The following TDRD3 variants were observed in gnomAD, a reference collection of about 807,000 sequenced individuals.
TDRD3 encodes tudor domain containing 3, also known as tudor domain-containing protein 3.
Under a neutral mutation model 86.7 loss-of-function variants are expected in TDRD3, and 45 were observed. The observed-to-expected ratio is 0.52, with a 90% CI of 0.41 to 0.67. TDRD3 has a LOEUF of 0.67. Among genes scored for constraint, TDRD3 ranks in the 30% least tolerant of loss-of-function variants. The pLI is 0.00. For missense variants in TDRD3, 814 were observed against 889.0 expected, an observed-to-expected ratio of 0.92 and a Z score of 1.07; for synonymous variants, 298 against 301.7, an observed-to-expected ratio of 0.99 and a Z score of 0.13.
intron 1 of TDRD3, among the ~76,000 whole-genome samples, chr13:60,405,716 C>T (rs778257513): frequency 1.2e-4 from 18 of 151,894 alleles, no homozygotes; most frequent in Non-Finnish European, 2.5e-4. Flanking sequence ...ACCTTGTTGG[C>T]CATGTTAGGA....
In TDRD3 at chr13:60,528,426, CA is replaced by C; in HGVS notation, c.1205del (p.Asn402MetfsTer3). On this transcript the variant is annotated frameshift_variant, in exon 11 of 14. Coordinates refer to ENST00000377881, the MANE Select transcript of TDRD3 (RefSeq NM_001146070.2). LOFTEE classifies it high-confidence loss of function. ...QGQYRSSNTE[Q>X]NGVKDNNHLR... is the part of the protein sequence containing the mutation. The stretch of plus-strand genomic sequence containing the variant: ...ACAATACAGATCATCAAATACTGAG[CA>C]AAATGGAGTAAAAGATAATAATCAT... The C allele has an allele frequency of 6.2e-7, 1 of 1,612,120 alleles. No individual in the cohort carries two copies. The highest frequency in any genetic ancestry group is 8.5e-7 in the Non-Finnish European group (1 of 1,179,196).
At chr13:60,407,738 T>C (rs1398799721) in intron 1 of TDRD3, among the ~76,000 whole-genome samples, 1 of 152,214 alleles carries the variant, frequency 6.6e-6, no homozygotes, top group Non-Finnish European at 1.5e-5. Context: ...TTCTTTCACA[T>C]TTGATGTTTT....
At chr13:60,406,481 TACAAG>T (rs1954237206) in intron 1 of TDRD3, among the ~76,000 whole-genome samples, 1 of 152,238 alleles carries the variant, frequency 6.6e-6, no homozygotes, top group Non-Finnish European at 1.5e-5. Flanking sequence ...AAAATATGGC[TACAAG>T]ACAATTTAAA....
intron 1 of TDRD3, among the ~76,000 whole-genome samples, chr13:60,424,138 T>C (rs559020204): frequency 4.5e-4 from 68 of 151,792 alleles, no homozygotes; most frequent in African/African-American, 1.5e-3. Context: ...TCTCCTGTCT[T>C]AGCCTCCCGA....
At chr13:60,477,753 G>A (rs764154425) in intron 5 of TDRD3, among the ~76,000 whole-genome samples, 1 of 152,152 alleles carries the variant, frequency 6.6e-6, no homozygotes, top group African/African-American at 2.4e-5. Flanking sequence ...ACTTTTTGAT[G>A]TGCTGCTGGA....
At position 60,538,267 on chromosome 13, in the gene TDRD3, A is replaced by C. The variant is rs17058206; in HGVS notation, c.2118+3034A>C. Among the ~76,000 whole-genome samples, 598 of 152,068 alleles carry C rather than the reference A, an allele frequency of 3.9e-3. 18 individuals carry two copies. The East Asian group carries it at 0.095, about 24-fold the overall frequency. ...TTAATGTTGTGGTCTTTGAGTACACATTTATATGGCCAAAATTGTGTTTCG... is the reference window on the plus strand; with the variant it reads ...TTAATGTTGTGGTCTTTGAGTACACCTTTATATGGCCAAAATTGTGTTTCG... On this transcript the variant is annotated intron_variant, in intron 12 of 13. Transcript: ENST00000377881.
intron 10 of TDRD3, among the ~76,000 whole-genome samples, chr13:60,511,348 T>C (rs778116689): frequency 1.3e-5 from 2 of 152,232 alleles, no homozygotes; most frequent in African/African-American, 2.4e-5. Flanking sequence ...AGATATATTT[T>C]GAATCTAGCC....
intron 10 of TDRD3, among the ~76,000 whole-genome samples, chr13:60,518,275 C>A (rs1294264372): frequency 6.6e-6 from 1 of 152,186 alleles, no homozygotes; most frequent in Non-Finnish European, 1.5e-5. Flanking sequence ...GTATGTGAAT[C>A]TTTAGGTGAT....
At chr13:60,506,420 T>C (rs200129552) in intron 8 of TDRD3, among the ~76,000 whole-genome samples, 1 of 152,186 alleles carries the variant, frequency 6.6e-6, no homozygotes, top group East Asian at 1.9e-4. Context: ...CAACCGGTAC[T>C]AACCACTGCA....
intron 5 of TDRD3, among the ~76,000 whole-genome samples, chr13:60,468,974 C>T (rs1264379830): frequency 1.3e-5 from 2 of 152,158 alleles, no homozygotes; most frequent in African/African-American, 4.8e-5. Flanking sequence ...TTGTGATACA[C>T]TACTCTCTCC....
rs879553244 is a variant in TDRD3 at position 60,400,924 on chromosome 13, C to A, written c.41+3519C>A. On this transcript the variant is annotated intron_variant, in intron 1 of 13. Transcript: ENST00000377881. ...AGTACTCATTTCCACCAAAAATTAA[C>A]AGAAGTGACCGCATCTAATTTAAAT... Among the ~76,000 whole-genome samples, 3 of 152,104 alleles carry A rather than the reference C, an allele frequency of 2.0e-5. No individual in the cohort carries two copies. In the East Asian group the frequency reaches 5.8e-4, roughly 29 times the overall value.
chr13:60,468,874 AG>A (rs1360983685), intron 5 of TDRD3, among the ~76,000 whole-genome samples: 1 of 152,192 alleles, frequency 6.6e-6, no homozygotes, highest in Non-Finnish European at 1.5e-5. Flanking sequence ...TTACTCCTCG[AG>A]CTGAAATGTA....
chr13:60,432,930 G>C (rs747883611), intron 1 of TDRD3, among the ~76,000 whole-genome samples: 2 of 152,096 alleles, frequency 1.3e-5, no homozygotes, highest in Admixed American at 1.3e-4. Flanking sequence ...ATAATCAGGT[G>C]TAGGTTAGAA....
At chr13:60,526,486 G>A (rs577644395) in intron 10 of TDRD3, among the ~76,000 whole-genome samples, 1 of 152,000 alleles carries the variant, frequency 6.6e-6, no homozygotes, top group East Asian at 1.9e-4. Context: ...TTACTCCTGG[G>A]CAGTAAACAA....
intron 8 of TDRD3, among the ~76,000 whole-genome samples, chr13:60,497,057 C>T (rs1956733483): frequency 6.6e-6 from 1 of 152,198 alleles, no homozygotes; most frequent in South Asian, 2.1e-4. Context: ...GGAACAATGG[C>T]AAGTCTTTAG....
intron 1 of TDRD3, among the ~76,000 whole-genome samples, chr13:60,409,922 C>T (rs1954318469): frequency 6.6e-6 from 1 of 152,150 alleles, no homozygotes; most frequent in Non-Finnish European, 1.5e-5. Flanking sequence ...AAAACCTCTA[C>T]TTGAATTGTA....
chr13:60,490,593 T>A (rs989065385), intron 7 of TDRD3, among the ~76,000 whole-genome samples: 3 of 152,122 alleles, frequency 2.0e-5, no homozygotes, highest in Admixed American at 2.0e-4. Flanking sequence ...TGACCTATAT[T>A]CTGAAAGAGT....
At chr13:60,449,318 G>A (rs1213149579) in intron 3 of TDRD3, among the ~76,000 whole-genome samples, 1 of 152,014 alleles carries the variant, frequency 6.6e-6, no homozygotes, top group African/African-American at 2.4e-5. Flanking sequence ...TAGAAAAAAT[G>A]GATTACTAAA....
At chr13:60,570,310 T>C (rs1958558769) in intron 13 of TDRD3, among the ~76,000 whole-genome samples, 1 of 152,102 alleles carries the variant, frequency 6.6e-6, no homozygotes, top group African/African-American at 2.4e-5. Context: ...TATGAAAAAA[T>C]ACTCAACATC....
Sources: allele counts gnomAD v4.1 joint callset (sites outside exome capture counted in the v4.1 genomes callset), GRCh38; gene constraint gnomAD v4.1.1; transcripts MANE v1.5; gene names NCBI Gene and HGNC (gene_info 2026-07-23, HGNC 2026-07-21).